PNLIPRP1: variants seen among roughly 807,000 people sequenced by gnomAD.
PNLIPRP1 encodes pancreatic lipase related protein 1, also known as inactive pancreatic lipase-related protein 1.
In PNLIPRP1, 57 loss-of-function variants were observed where a neutral mutation model predicts 54.6. The ratio of observed to expected loss-of-function variants is 1.04; its 90% CI spans 0.84 to 1.30. The LOEUF is 1.30. Among genes scored for constraint, PNLIPRP1 ranks in the 50% most tolerant of loss-of-function variants. PNLIPRP1 has a pLI of 0.00. For synonymous variants in PNLIPRP1, 232 were observed against 208.8 expected (o/e 1.11, Z -0.96); for missense variants, 567 against 568.5 (o/e 1.00, Z 0.03).
At chr10:116,597,354 C>T (rs142958266) in intron 6 of PNLIPRP1, among the ~76,000 whole-genome samples, 3 of 151,734 alleles carry the variant, frequency 2.0e-5, no homozygotes, top group East Asian at 3.9e-4. Flanking sequence ...AAATGAAGAA[C>T]CTGAAGCACA....
chr10:116,592,150 T>C (rs1554863294), intron 3 of PNLIPRP1: 2 of 636,238 alleles, frequency 3.1e-6, no homozygotes, highest in African/African-American at 3.7e-5. Flanking sequence ...TACTGTGTGA[T>C]TCTGGTCTGG....
rs1847731918 is a variant in PNLIPRP1, at chr10:116,596,206, C to T, written c.466-8C>T. 2 of 1,573,582 alleles carry T rather than the reference C, an allele frequency of 1.3e-6. No homozygotes were observed. The highest frequency in any genetic ancestry group is 1.1e-5 in the South Asian group (1 of 89,792). ...AAATGTCCTGAAAATACAATCTTCC[C>T]TCTCCAGACAGAGTATAGCTACCCC... On this transcript the variant is annotated splice_polypyrimidine_tract_variant and splice_region_variant and intron_variant, in intron 5 of 12. Coordinates refer to ENST00000358834, the MANE Select transcript of PNLIPRP1 (RefSeq NM_006229.4).
At chr10:116,606,102 G>T (rs1179829169) in intron 12 of PNLIPRP1, among the ~76,000 whole-genome samples, 1 of 152,132 alleles carries the variant, frequency 6.6e-6, no homozygotes, top group East Asian at 1.9e-4. Flanking sequence ...GACCTGAGAG[G>T]GCAGAGCGAC....
At chr10:116,596,549 G>A (rs1564736692) in intron 6 of PNLIPRP1, among the ~76,000 whole-genome samples, 1 of 152,094 alleles carries the variant, frequency 6.6e-6, no homozygotes, top group South Asian at 2.1e-4. Flanking sequence ...TTCCACCTCT[G>A]TCCTAGCCCC....
At position 116,609,094 on chromosome 10, in the gene PNLIPRP1, T is replaced by C. The variant is rs1049125; in HGVS notation, c.1382T>C (p.Leu461Pro). Residue 461 changes from leucine (L) to proline (P), a missense_variant, in exon 13 of 13, where the codon CTG (leucine) becomes CCG (proline). Coordinates refer to ENST00000358834, the MANE Select transcript of PNLIPRP1 (RefSeq NM_006229.4). ...GAAGACACAGTGCGGGAAGACACGC[T>C]GCTCACCCTCACGCCCTGCTAAGCT... ...CSEDTVREDT[L>P]LTLTPC is the part of the protein sequence containing the mutation. 289,570 of 1,611,582 alleles carry C rather than the reference T, an allele frequency of 0.18. 27,572 individuals are homozygous for C. The highest frequency in any genetic ancestry group is 0.24 in the Admixed American group (14,464 of 59,888).
chr10:116,602,466 G>A (rs956320831), intron 10 of PNLIPRP1, among the ~76,000 whole-genome samples: 1 of 152,292 alleles, frequency 6.6e-6, no homozygotes, highest in South Asian at 2.1e-4. Flanking sequence ...TTATTTATGG[G>A]CCACAGACTA....
chr10:116,591,078 C>G, intron 1 of PNLIPRP1, 52 bp from the exon 2 acceptor site: 1 of 1,469,304 alleles, frequency 6.8e-7, no homozygotes, highest in Non-Finnish European at 9.5e-7. Context: ...CGTCGGTGCT[C>G]ACTGCTCTGG....
rs1589575819 is a variant in PNLIPRP1 at position 116,603,166 on chromosome 10, G to A, written c.1064-864G>A. On this transcript the variant is annotated intron_variant, in intron 10 of 12. Transcript: ENST00000358834. ...GTAGAAGCCTAAGTGACAGCTGCTC[G>A]TGCACCTGCTCTGTGCTAGAGACTG... is the stretch of plus-strand genomic sequence containing the variant. Among the ~76,000 whole-genome samples, 5 of 152,318 alleles carry A rather than the reference G, an allele frequency of 3.3e-5. No individual in the cohort carries two copies. In the East Asian group the frequency reaches 5.8e-4, roughly 18 times the overall value.
chr10:116,606,549 G>T (rs549405790), intron 12 of PNLIPRP1, among the ~76,000 whole-genome samples: 2 of 152,156 alleles, frequency 1.3e-5, no homozygotes, highest in African/African-American at 2.4e-5. Flanking sequence ...GCTCCCCAAG[G>T]CCCCATTAGC....
chr10:116,599,940 T>C (rs782540142), intron 8 of PNLIPRP1, 107 bp from the exon 9 acceptor site: 3 of 728,224 alleles, frequency 4.1e-6, no homozygotes, highest in South Asian at 1.7e-5. Flanking sequence ...ATCTTAAGTT[T>C]CTGAAAATAC....
At chr10:116,596,399 A>G in intron 6 of PNLIPRP1, 77 bp downstream of exon 6, 1 of 839,274 alleles carries the variant, frequency 1.2e-6, no homozygotes, top group Non-Finnish European at 2.0e-6. Flanking sequence ...AGCCCAGTTC[A>G]GAGCTCCCCT....
At chr10:116,600,613 A>C in intron 9 of PNLIPRP1, 1 of 175,016 alleles carries the variant, frequency 5.7e-6, no homozygotes, top group South Asian at 1.4e-4. Context: ...GAGATGAAGA[A>C]TGACAGGTTA....
rs200947184 is a variant in PNLIPRP1, at chr10:116,604,009, A to T, written c.1064-21A>T. 1.7e-4 allele frequency: 256 copies of T among 1,481,960 alleles called. No individual in the cohort carries two copies. The East Asian group carries it at 5.5e-3, about 32-fold the overall frequency. The allele number at this position is 1,481,960 out of a possible 1,614,324, so 91.8% of individuals were successfully genotyped here. ...CTTATTTTGTGTGTGAATAAATTGA[A>T]CTCTTCCATCTCCTGTGCAGGCTGG... On this transcript the variant is annotated intron_variant, in intron 10 of 12. Coordinates refer to ENST00000358834, the MANE Select transcript of PNLIPRP1 (RefSeq NM_006229.4).
At chr10:116,592,335 T>C (rs1847653465) in intron 3 of PNLIPRP1, 81 bp from the exon 4 acceptor site, 1 of 1,472,886 alleles carries the variant, frequency 6.8e-7, no homozygotes, top group Non-Finnish European at 9.1e-7. Context: ...GTAGAGGCAT[T>C]GGCGCAGGCG....
In PNLIPRP1 at chr10:116,605,558, G is replaced by T; in HGVS notation, c.1340+5G>T. The T allele has an allele frequency of 1.3e-6, 2 of 1,527,534 alleles. No homozygotes were observed. Among genetic ancestry groups the T allele is most frequent in the South Asian group, 2.7e-5 (2 of 75,446 alleles). The allele number at this position is 1,527,534 out of a possible 1,614,324, so 94.6% of individuals were successfully genotyped here. A position where few individuals can be genotyped will look rare whatever the true frequency, so the allele number is the denominator to read the frequency against. On this transcript the variant is annotated splice_donor_5th_base_variant and intron_variant, in intron 12 of 12. Transcript: ENST00000358834. ...AAAGGGAGAAGAGAAGACAGTGTATGTATCTTTGCTGGCTGGTGCCTAAAA... is the reference window on the plus strand; with the variant it reads ...AAAGGGAGAAGAGAAGACAGTGTATTTATCTTTGCTGGCTGGTGCCTAAAA...
intron 2 of PNLIPRP1, 92 bp from the exon 3 acceptor site, chr10:116,591,679 T>G (rs1260761519): frequency 1.5e-6 from 2 of 1,331,578 alleles, no homozygotes; most frequent in Admixed American, 1.9e-5. Flanking sequence ...AGACTGTCCC[T>G]GAATAGAAGA....
chr10:116,594,528 C>T, intron 4 of PNLIPRP1: 1 of 627,328 alleles, frequency 1.6e-6, no homozygotes, highest in South Asian at 1.9e-5. Context: ...AATCTGCAAG[C>T]TGGAGGGGGA....
In PNLIPRP1 at chr10:116,596,285, G is replaced by A. The variant is rs782801450; in HGVS notation, c.537G>A (p.Glu179=). Residue 179 remains glutamate (E), a synonymous_variant, in exon 6 of 13, where the codon GAG becomes GAA. Transcript: ENST00000358834. ...GHSLGAHVAG[E]AGSKTPGLSR... is the part of the protein sequence containing the mutation. ...GCCTGGGAGCCCACGTGGCTGGAGA[G>A]GCAGGAAGCAAGACTCCAGGCCTGA... 31 of 1,613,762 alleles carry A rather than the reference G, an allele frequency of 1.9e-5. No homozygotes were observed. The highest frequency in any genetic ancestry group is 2.6e-5 in the Non-Finnish European group (31 of 1,179,758).
intron 10 of PNLIPRP1, among the ~76,000 whole-genome samples, chr10:116,602,097 C>G (rs2915758): frequency 0.34 from 51,115 of 151,144 alleles, 9,065 homozygotes; most frequent in Non-Finnish European, 0.37. Flanking sequence ...CTCACTACAA[C>G]CTCCCCCTCC....
Sources: allele counts gnomAD v4.1 joint callset (sites outside exome capture counted in the v4.1 genomes callset), GRCh38; gene constraint gnomAD v4.1.1; transcripts MANE v1.5; gene names NCBI Gene and HGNC (gene_info 2026-07-23, HGNC 2026-07-21).